The following ZNF423 variants were observed in gnomAD, a reference collection of about 807,000 sequenced individuals.
ZNF423 encodes the protein zinc finger protein 423, also known as Ebf-associated zinc finger protein.
In ZNF423, 12 loss-of-function variants were observed where a neutral mutation model predicts 95.8. That is an observed-to-expected ratio of 0.13 (90% confidence interval 0.08 to 0.20). ZNF423 has a LOEUF of 0.20. ZNF423 is among the 10% of genes least tolerant of loss of function. ZNF423 has a pLI of 1.00. For synonymous variants in ZNF423, 749 were observed against 711.9 expected, an observed-to-expected ratio of 1.05 and a Z score of -0.83; for missense variants, 1,316 against 1,737.1, an observed-to-expected ratio of 0.76 and a Z score of 4.31.
chr16:49,629,087 GCAGC>G (rs139896121), intron 4 of ZNF423, among the ~76,000 whole-genome samples: 3,984 of 152,256 alleles, frequency 0.026, 91 homozygotes, highest in Non-Finnish European at 0.045. Flanking sequence ...CCTCAACTAT[GCAGC>G]CAGATGAACC....
intron 2 of ZNF423, among the ~76,000 whole-genome samples, chr16:49,751,104 C>T (rs1263962325): frequency 2.0e-5 from 3 of 152,194 alleles, no homozygotes; most frequent in African/African-American, 7.2e-5. Flanking sequence ...CACACAACTC[C>T]ATTCAAGGCA....
chr16:49,764,929 T>G (rs2033902037), intron 2 of ZNF423, among the ~76,000 whole-genome samples: 1 of 151,004 alleles, frequency 6.6e-6, no homozygotes, highest in African/African-American at 2.4e-5. Context: ...TTTTTTTTTT[T>G]TGTATTTTTA....
At position 49,638,027 on chromosome 16, in the gene ZNF423, G is replaced by A. The variant is rs375403632; in HGVS notation, c.1149C>T (p.Ser383=). The stretch of plus-strand genomic sequence containing the variant: ...GGGTGGAGCCACGCTCCACAGAGGC[G>A]CTGGAGTCGGGTGTGGCGCTGCTCA... ...ASMSSATPDS[S]ASVERGSTPD... Residue 383 remains serine (S), a synonymous_variant, in exon 4 of 8, where the codon AGC becomes AGT. Transcript: ENST00000563137. This position sits in a 1 kb window ranked among gnomAD's most constrained non-coding sequence, Gnocchi z 5.6. 28 of 1,613,934 alleles carry A rather than the reference G, an allele frequency of 1.7e-5. No homozygotes were observed. The highest frequency in any genetic ancestry group is 1.1e-4 in the East Asian group (5 of 44,880).
intron 3 of ZNF423, among the ~76,000 whole-genome samples, chr16:49,642,735 G>C (rs1973015239): frequency 6.6e-6 from 1 of 151,538 alleles, no homozygotes; most frequent in South Asian, 2.1e-4. Context: ...AGGCTAGAGA[G>C]ATAAGCTAGG....
chr16:49,704,338 C>T (rs2032285512), intron 3 of ZNF423, among the ~76,000 whole-genome samples: 1 of 152,196 alleles, frequency 6.6e-6, no homozygotes, highest in Admixed American at 6.5e-5. Flanking sequence ...GGTGACCTCC[C>T]TCCTCTGGGT....
intron 5 of ZNF423, among the ~76,000 whole-genome samples, chr16:49,579,167 C>T (rs763731419): frequency 8.5e-5 from 13 of 152,258 alleles, no homozygotes; most frequent in East Asian, 3.9e-4. Context: ...TAATTCAACT[C>T]GAAGCTGGGC....
At chr16:49,795,202 T>C (rs943377198) in intron 1 of ZNF423, among the ~76,000 whole-genome samples, 5 of 152,272 alleles carry the variant, frequency 3.3e-5, no homozygotes, top group African/African-American at 4.8e-5. Flanking sequence ...ACACAGGATG[T>C]GTGGTGACAT....
intron 2 of ZNF423, among the ~76,000 whole-genome samples, chr16:49,774,951 GAT>G (rs2034096095): frequency 1.3e-5 from 2 of 152,146 alleles, no homozygotes; most frequent in Non-Finnish European, 2.9e-5. Context: ...GGCCCTTGGA[GAT>G]CCTGCCTTAA....
intron 1 of ZNF423, among the ~76,000 whole-genome samples, chr16:49,842,303 GGAGGC>G (rs1307050998): frequency 1.4e-3 from 55 of 40,222 alleles, no homozygotes; most frequent in Non-Finnish European, 2.4e-3. Flanking sequence ...GGAGGGGAGG[GGAGGC>G]GAGGGAAGGG....
At chr16:49,814,316 GCC>G (rs1194002675) in intron 1 of ZNF423, among the ~76,000 whole-genome samples, 1 of 152,022 alleles carries the variant, frequency 6.6e-6, no homozygotes, top group African/African-American at 2.4e-5. Flanking sequence ...CATGTCCTGT[GCC>G]CAGGATAGAC....
chr16:49,816,366 A>G (rs1265976536), intron 1 of ZNF423, among the ~76,000 whole-genome samples: 1 of 152,146 alleles, frequency 6.6e-6, no homozygotes, highest in African/African-American at 2.4e-5. Flanking sequence ...ATTGAGCTAA[A>G]ATGACATGAG....
At chr16:49,740,374 G>T (rs1222632990) in intron 2 of ZNF423, among the ~76,000 whole-genome samples, 2 of 152,182 alleles carry the variant, frequency 1.3e-5, no homozygotes, top group African/African-American at 4.8e-5. Context: ...CCCCGGGAGG[G>T]GTGTGGCCAG....
chr16:49,601,529 A>G (rs886617467), intron 5 of ZNF423, among the ~76,000 whole-genome samples: 3 of 152,174 alleles, frequency 2.0e-5, no homozygotes, highest in Admixed American at 6.5e-5. Context: ...CAGCCCTGGT[A>G]TTGTTGAAGT....
At position 49,838,641 on chromosome 16, in the gene ZNF423, G is replaced by A. The variant is rs568522904; in HGVS notation, c.40+17094C>T. On this transcript the variant is annotated intron_variant, in intron 1 of 7. Coordinates refer to ENST00000563137, the MANE Select transcript of ZNF423 (RefSeq NM_001379286.1). Reference sequence around the variant, plus strand: ...GGGCGGCACCAGCTGTGGGCTCGACGCCGCCGTCCCCAGCGCTGGGCCTGG... The same window carrying A: ...GGGCGGCACCAGCTGTGGGCTCGACACCGCCGTCCCCAGCGCTGGGCCTGG... Among the ~76,000 whole-genome samples the A allele has an allele frequency of 1.8e-4, 27 of 152,042 alleles. 1 individual carries two copies. The highest frequency in any genetic ancestry group is 4.6e-4 in the Admixed American group (7 of 15,276).
intron 5 of ZNF423, among the ~76,000 whole-genome samples, chr16:49,538,191 G>A (rs553799501): frequency 2.1e-4 from 32 of 152,288 alleles, no homozygotes; most frequent in Middle Eastern, 3.4e-3. Context: ...AGCAGCAGGG[G>A]AGTGGGGGTG....
intron 3 of ZNF423, among the ~76,000 whole-genome samples, chr16:49,727,259 G>A (rs1024918694): frequency 2.6e-5 from 4 of 152,164 alleles, no homozygotes; most frequent in Non-Finnish European, 4.4e-5. Context: ...TCCTGCTGAG[G>A]ACAACAGAGA....
intron 5 of ZNF423, among the ~76,000 whole-genome samples, chr16:49,620,638 C>T (rs1450265521): frequency 1.3e-5 from 2 of 152,210 alleles, no homozygotes; most frequent in Admixed American, 6.5e-5. Flanking sequence ...CCCTTCCCAG[C>T]CCTGACCCTC....
intron 7 of ZNF423, among the ~76,000 whole-genome samples, chr16:49,501,849 T>G (rs1054258926): frequency 2.0e-5 from 3 of 149,966 alleles, no homozygotes; most frequent in African/African-American, 7.3e-5. Context: ...AGACATAAAG[T>G]TGGGAGCAAT....
intron 3 of ZNF423, among the ~76,000 whole-genome samples, chr16:49,654,434 A>C (rs1973532529): frequency 6.6e-6 from 1 of 152,214 alleles, no homozygotes; most frequent in African/African-American, 2.4e-5. Context: ...CGTAGAGCAC[A>C]GGCCCCAGGC....
Sources: gnomAD v4.1 joint callset for allele counts (sites outside exome capture counted in the v4.1 genomes callset) on GRCh38, gnomAD v4.1.1 for gene constraint, Gnocchi (gnomAD v3.1) non-coding constraint, MANE v1.5 for transcripts, NCBI Gene and HGNC (gene_info 2026-07-23, HGNC 2026-07-21) for gene names.